Variants in PTPRT observed in about 807,000 individuals in gnomAD.
PTPRT encodes protein tyrosine phosphatase receptor type T.
Under a neutral mutation model 176.8 loss-of-function variants are expected in PTPRT, and 56 were observed. The ratio of observed to expected loss-of-function variants is 0.32; its 90% CI spans 0.26 to 0.40. The LOEUF (loss-of-function observed/expected upper bound fraction) is 0.40. Ranked by LOEUF, PTPRT falls within the 10% of genes least tolerant of loss-of-function variation. The probability of loss-of-function intolerance (pLI) is 1.00; values close to 1 mark genes in which losing one functional copy is unlikely to be tolerated. For synonymous variants in PTPRT, 783 were observed against 739.0 expected (o/e 1.06, Z -0.96); for missense variants, 1,540 against 1,908.2 (o/e 0.81, Z 3.60).
In PTPRT at chr20:42,988,793, G is replaced by A. The variant is rs116250073; in HGVS notation, c.89-102861C>T. On this transcript the variant is annotated intron_variant, in intron 1 of 30. Transcript: ENST00000373187. ...TCAGGGGTAAAGAGTCAACCGGAGG[G>A]ACATGCTAGGAATGAGGGCAACCAT... 4.5e-3 allele frequency among the ~76,000 whole-genome samples: 678 copies of A among 152,300 alleles called. 5 individuals carry two copies. The highest frequency in any genetic ancestry group is 0.015 in the African/African-American group (621 of 41,564).
intron 1 of PTPRT, among the ~76,000 whole-genome samples, chr20:42,916,364 T>C (rs1221990340): frequency 2.0e-5 from 3 of 152,342 alleles, no homozygotes; most frequent in Admixed American, 1.3e-4. Flanking sequence ...CAGTCTATCG[T>C]TCTTGGACAT....
chr20:42,463,511 G>C (rs1408984221), intron 8 of PTPRT, among the ~76,000 whole-genome samples: 1 of 152,136 alleles, frequency 6.6e-6, no homozygotes, highest in African/African-American at 2.4e-5. Flanking sequence ...GTGCCTTAAA[G>C]TCAGGTGGTA....
In PTPRT at chr20:42,591,157, G is replaced by C. The variant is rs191665916; in HGVS notation, c.1153+86709C>G. Among the ~76,000 whole-genome samples, 3 of 152,114 alleles carry C rather than the reference G, an allele frequency of 2.0e-5. No individual in the cohort carries two copies. In the East Asian group the frequency reaches 5.8e-4, roughly 29 times the overall value. The stretch of plus-strand genomic sequence containing the variant: ...AAGAAAATAATTTTGTATAACTTTG[G>C]AAGTATCTAAAGTCTTTTTTAAATC... On this transcript the variant is annotated intron_variant, in intron 7 of 30. Coordinates refer to ENST00000373187, the MANE Select transcript of PTPRT (RefSeq NM_007050.6).
chr20:42,625,995 A>T (rs2074282473), intron 7 of PTPRT, among the ~76,000 whole-genome samples: 1 of 150,476 alleles, frequency 6.6e-6, no homozygotes, highest in Non-Finnish European at 1.5e-5. Flanking sequence ...CCAGCAATCC[A>T]TCCAAAACCA....
chr20:42,423,474 C>T (rs1042427355), intron 9 of PTPRT, among the ~76,000 whole-genome samples: 4 of 152,176 alleles, frequency 2.6e-5, no homozygotes, highest in African/African-American at 9.7e-5. Flanking sequence ...TGGCCTCATC[C>T]TGTGCCCAGG....
At chr20:42,128,236 G>A (rs1242032500) in intron 19 of PTPRT, among the ~76,000 whole-genome samples, 1 of 152,092 alleles carries the variant, frequency 6.6e-6, no homozygotes, top group African/African-American at 2.4e-5. Context: ...ATTCCTGATG[G>A]GAGAAGTGAT....
chr20:42,263,558 T>C (rs974790391), intron 13 of PTPRT, among the ~76,000 whole-genome samples: 1 of 151,778 alleles, frequency 6.6e-6, no homozygotes, highest in Non-Finnish European at 1.5e-5. Flanking sequence ...TTTTTGTATT[T>C]TTAGTAGAGA....
chr20:42,255,317 G>C (rs1568713161), intron 13 of PTPRT, among the ~76,000 whole-genome samples: 1 of 152,134 alleles, frequency 6.6e-6, no homozygotes, highest in Non-Finnish European at 1.5e-5. Context: ...GTTCACACTG[G>C]GATTTTCTAA....
At chr20:42,164,121 G>A (rs970300771) in intron 16 of PTPRT, among the ~76,000 whole-genome samples, 12 of 152,192 alleles carry the variant, frequency 7.9e-5, no homozygotes, top group African/African-American at 2.9e-4. Flanking sequence ...TCAATGCTAG[G>A]AGGCCTGTGA....
intron 9 of PTPRT, among the ~76,000 whole-genome samples, chr20:42,367,101 G>A (rs1423416843): frequency 6.6e-6 from 1 of 152,182 alleles, no homozygotes; most frequent in Non-Finnish European, 1.5e-5. Flanking sequence ...AAATACTTTG[G>A]GATTATAAAA....
At chr20:42,136,623 G>T (rs913447582) in intron 18 of PTPRT, among the ~76,000 whole-genome samples, 2 of 152,246 alleles carry the variant, frequency 1.3e-5, no homozygotes, top group African/African-American at 4.8e-5. Flanking sequence ...GAGTTGAGAG[G>T]GGCAAGCACC....
chr20:42,056,015 G>A, the PTPRT span, among the ~76,000 whole-genome samples: 5 of 152,114 alleles, frequency 3.3e-5, no homozygotes, highest in African/African-American at 7.2e-5. Context: ...TCCACCCTCC[G>A]CTGTCCCCTC....
chr20:42,753,774 G>A (rs893140448), intron 6 of PTPRT, among the ~76,000 whole-genome samples: 2 of 152,210 alleles, frequency 1.3e-5, no homozygotes, highest in Non-Finnish European at 2.9e-5. Context: ...AATAAAGCAA[G>A]GATGCTCCAC....
chr20:42,306,042 A>G (rs1479621106), intron 12 of PTPRT, among the ~76,000 whole-genome samples: 2 of 152,216 alleles, frequency 1.3e-5, no homozygotes, highest in Admixed American at 1.3e-4. Context: ...CAAGATTATC[A>G]GCTGTCAACA....
chr20:42,975,471 G>A lies in PTPRT; in HGVS notation c.89-89539C>T, dbSNP rs114443291. Among the ~76,000 whole-genome samples the A allele has an allele frequency of 7.5e-3, 1,140 of 152,180 alleles. 18 individuals are homozygous for A. Among genetic ancestry groups the A allele is most frequent in the African/African-American group, 0.026 (1,074 of 41,494 alleles). ...TTTCCTATATTTTCCAGACTTTATG[G>A]ATAGGTACTTTTTTATATAAAAACC... On this transcript the variant is annotated intron_variant, in intron 1 of 30. Coordinates refer to ENST00000373187, the MANE Select transcript of PTPRT (RefSeq NM_007050.6).
chr20:42,302,169 A>G (rs1016297485), intron 12 of PTPRT, among the ~76,000 whole-genome samples: 1 of 152,198 alleles, frequency 6.6e-6, no homozygotes, highest in African/African-American at 2.4e-5. Context: ...TGTGAGCACA[A>G]GTGCCTTAAG....
intron 1 of PTPRT, among the ~76,000 whole-genome samples, chr20:42,909,795 G>A (rs1257268541): frequency 1.3e-5 from 2 of 152,152 alleles, no homozygotes; most frequent in Non-Finnish European, 2.9e-5. Flanking sequence ...TTATTCACTT[G>A]CTTTCACACA....
At chr20:42,449,551 A>G (rs1364886419) in intron 8 of PTPRT, among the ~76,000 whole-genome samples, 1 of 152,228 alleles carries the variant, frequency 6.6e-6, no homozygotes, top group African/African-American at 2.4e-5. Context: ...CACTTAAGCC[A>G]TAAAACACCT....
chr20:43,136,244 T>G (rs954346001), intron 1 of PTPRT, among the ~76,000 whole-genome samples: 8 of 152,220 alleles, frequency 5.3e-5, no homozygotes, highest in Non-Finnish European at 8.8e-5. Context: ...CTTTCCATCT[T>G]AAACTTTCCC....
Sources: allele counts gnomAD v4.1 joint callset (sites outside exome capture counted in the v4.1 genomes callset), GRCh38; gene constraint gnomAD v4.1.1; transcripts MANE v1.5; gene names NCBI Gene and HGNC (gene_info 2026-07-23, HGNC 2026-07-21).